Variants in KBTBD11 observed in about 807,000 individuals in gnomAD.
KBTBD11 encodes kelch repeat and BTB domain-containing protein 11.
For missense variants in KBTBD11, 1,390 were observed against 1,001.8 expected, an observed-to-expected ratio of 1.39 and a Z score of -5.23; for synonymous variants, 747 against 499.0, an observed-to-expected ratio of 1.50 and a Z score of -6.63.
intron 1 of KBTBD11, among the ~76,000 whole-genome samples, chr8:1,993,040 A>C (rs1816975582): frequency 6.6e-6 from 1 of 152,130 alleles, no homozygotes; most frequent in Non-Finnish European, 1.5e-5. Context: ...CCCGGGCTCA[A>C]GTGATCCTCT....
chr8:2,002,494 C>G lies in KBTBD11; in HGVS notation c.1302C>G (p.Arg434=). 1 of 1,510,298 alleles carries G rather than the reference C, an allele frequency of 6.6e-7. No individual in the cohort carries two copies. Among genetic ancestry groups the G allele is most frequent in the Non-Finnish European group, 8.8e-7 (1 of 1,138,652 alleles). The allele number at this position is 1,510,298 out of a possible 1,614,324, so 93.6% of individuals were successfully genotyped here. ...AGCGCTACGACCCGCGCGCCGACCG[C>G]TGGGCCCCCGTGGCGCCGCTGCCCC... ...SVERYDPRAD[R]WAPVAPLPRG... Residue 434 remains arginine, a synonymous_variant, in exon 2 of 2, where the codon CGC becomes CGG. Transcript: ENST00000320248. This position sits in a 1 kb window ranked among gnomAD's most constrained non-coding sequence, Gnocchi z 4.1.
In KBTBD11 at chr8:1,975,465, T is replaced by TA. The variant is rs1340302382; in HGVS notation, c.-909+1531dup. Reference sequence around the variant, plus strand: ...TGTAGATACACAAACACCATTGTGTTACAATTGCCTGCGGTATTGTGCACG... The same window carrying TA: ...TGTAGATACACAAACACCATTGTGTTAACAATTGCCTGCGGTATTGTGCACG... On this transcript the variant is annotated intron_variant, in intron 1 of 1. Transcript: ENST00000320248. 6.6e-5 allele frequency among the ~76,000 whole-genome samples: 10 copies of TA among 152,344 alleles called. No homozygotes were observed. In the East Asian group the frequency reaches 1.9e-3, roughly 29 times the overall value.
chr8:1,992,464 C>T (rs576433096), intron 1 of KBTBD11, among the ~76,000 whole-genome samples: 6 of 151,840 alleles, frequency 4.0e-5, no homozygotes, highest in South Asian at 4.2e-4. Context: ...AAATTGGAAG[C>T]GGGGGTGGGG....
rs1413233643 is a variant in KBTBD11, at chr8:2,002,046, T to G, written c.854T>G (p.Leu285Arg). Residue 285 changes from leucine to arginine, a missense_variant, in exon 2 of 2, where the codon CTG (leucine) becomes CGG (arginine). Physicochemically the swap from Leu to Arg is moderately radical, Grantham distance 102 (BLOSUM62 -2). Transcript: ENST00000320248. The surrounding 1 kb of genome is among the most constrained non-coding windows in gnomAD (Gnocchi z 4.1). ...RLSGAERDLL[L>R]RRRLRAGRAH... ...TCGGGCGCAGAGCGGGACCTGCTGC[T>G]GCGCCGCCGCCTGCGCGCCGGCCGC... 1.1e-5 allele frequency: 13 copies of G among 1,225,806 alleles called. No individual in the cohort carries two copies. The highest frequency in any genetic ancestry group is 1.3e-5 in the Non-Finnish European group (13 of 978,306). 75.9% of individuals were successfully genotyped at this position (1,225,806 alleles called of 1,614,324 possible).
chr8:2,001,894 C>A lies in KBTBD11; in HGVS notation c.702C>A (p.Ala234=). 1 of 1,413,344 alleles carries A rather than the reference C, an allele frequency of 7.1e-7. No homozygotes were observed. The highest frequency in any genetic ancestry group is 9.3e-7 in the Non-Finnish European group (1 of 1,075,002). The allele number at this position is 1,413,344 out of a possible 1,614,324, so 87.6% of individuals were successfully genotyped here. Residue 234 remains alanine, a synonymous_variant, in exon 2 of 2, where the codon GCC becomes GCA. Transcript: ENST00000320248. ...CCGTGGGGCCGCAGCTGAGCCTGGCCAACTGCTACGAGGTCCTGAGCGCGG... is the reference window on the plus strand; with the variant it reads ...CCGTGGGGCCGCAGCTGAGCCTGGCAAACTGCTACGAGGTCCTGAGCGCGG... The part of the protein sequence containing the change: ...TDAVGPQLSL[A]NCYEVLSAAK...
chr8:1,992,680 A>C (rs1215437759), intron 1 of KBTBD11, among the ~76,000 whole-genome samples: 1 of 152,088 alleles, frequency 6.6e-6, no homozygotes, highest in Non-Finnish European at 1.5e-5. Flanking sequence ...AGACTTTTTC[A>C]AGTTGGTCTA....
At chr8:1,979,451 G>A (rs13278691) in intron 1 of KBTBD11, among the ~76,000 whole-genome samples, 113,383 of 151,854 alleles carry the variant, frequency 0.75, 42,513 homozygotes, top group South Asian at 0.85. Flanking sequence ...CCAACATGGT[G>A]AAACCCCGTC....
Position 2,002,815 on chromosome 8 carries a change from G to T in KBTBD11, c.1623G>T (p.Leu541=), listed in dbSNP as rs1329118182. The T allele has an allele frequency of 2.8e-6, 4 of 1,435,218 alleles. No homozygotes were observed. Among genetic ancestry groups the T allele is most frequent in the South Asian group, 1.4e-5 (1 of 70,720 alleles). 88.9% of individuals were successfully genotyped at this position (1,435,218 alleles called of 1,614,324 possible). ...AGTGGAGCCCGTGCGTCGCGCCCCT[G>T]CGCCTCCCCGGCGGCCCCACGGGCC... ...AKQWSPCVAP[L]RLPGGPTGLQ... The change falls in exon 2 of 2, where the codon CTG becomes CTT. Residue 541 remains leucine (L), a synonymous_variant. Transcript: ENST00000320248. The surrounding 1 kb of genome is among the most constrained non-coding windows in gnomAD (Gnocchi z 4.1).
At chr8:1,999,915 C>A (rs73546558) in intron 1 of KBTBD11, among the ~76,000 whole-genome samples, 2 of 152,160 alleles carry the variant, frequency 1.3e-5, no homozygotes, top group African/African-American at 4.8e-5. Context: ...ATGCTACTTA[C>A]ACTTTTTATG....
At chr8:1,996,252 G>A (rs2129314685) in intron 1 of KBTBD11, among the ~76,000 whole-genome samples, 1 of 152,312 alleles carries the variant, frequency 6.6e-6, no homozygotes, top group African/African-American at 2.4e-5. Flanking sequence ...TATAGGCAAT[G>A]CGTGTAGGAC....
At chr8:1,986,796 G>T (rs755994580) in intron 1 of KBTBD11, among the ~76,000 whole-genome samples, 3 of 152,086 alleles carry the variant, frequency 2.0e-5, no homozygotes, top group African/African-American at 7.2e-5. Context: ...GCAATATAAA[G>T]AAACGCTCAT....
intron 1 of KBTBD11, among the ~76,000 whole-genome samples, chr8:1,991,751 G>C (rs1816926339): frequency 6.6e-6 from 1 of 151,962 alleles, no homozygotes; most frequent in Non-Finnish European, 1.5e-5. Context: ...TGGCAGAGAA[G>C]GTGCCCACCG....
At position 2,002,145 on chromosome 8, in the gene KBTBD11, A is replaced by G. The variant is rs2129316686; in HGVS notation, c.953A>G (p.Asp318Gly). The G allele has an allele frequency of 1.7e-6, 2 of 1,172,856 alleles. No homozygotes were observed. The highest frequency in any genetic ancestry group is 3.8e-5 in the South Asian group (1 of 26,618). The allele number at this position is 1,172,856 out of a possible 1,614,324, so 72.7% of individuals were successfully genotyped here. A position where few individuals can be genotyped will look rare whatever the true frequency, so the allele number is the denominator to read the frequency against. Residue 318 changes from aspartate to glycine, a missense_variant, in exon 2 of 2, where the codon GAC becomes GGC. Asp to Gly is a moderately conservative substitution (Grantham distance 94). Coordinates refer to ENST00000320248, the MANE Select transcript of KBTBD11 (RefSeq NM_014867.3). This position sits in a 1 kb window ranked among gnomAD's most constrained non-coding sequence, Gnocchi z 4.1. ...AGSRPQSPSGDADARGDAAVY... is the reference protein window; with the variant it reads ...AGSRPQSPSGGADARGDAAVY... ...AGCCGGCCTCAGAGCCCCTCGGGGGACGCGGACGCGCGCGGGGACGCGGCC... is the reference window on the plus strand; with the variant it reads ...AGCCGGCCTCAGAGCCCCTCGGGGGGCGCGGACGCGCGCGGGGACGCGGCC...
chr8:1,988,168 T>C (rs933625645), intron 1 of KBTBD11, among the ~76,000 whole-genome samples: 3 of 152,222 alleles, frequency 2.0e-5, no homozygotes, highest in African/African-American at 7.2e-5. Flanking sequence ...TCTTTGCTAT[T>C]GTGAATAGTG....
Position 2,002,228 on chromosome 8 carries a change from G to A in KBTBD11, c.1036G>A (p.Gly346Ser), listed in dbSNP as rs1585763129. The change falls in exon 2 of 2, where the codon GGC (glycine) becomes AGC (serine). Residue 346 changes from glycine to serine, a missense_variant. By Grantham distance (56) the Gly-to-Ser change is moderately conservative (BLOSUM62 0). Coordinates refer to ENST00000320248, the MANE Select transcript of KBTBD11 (RefSeq NM_014867.3). This position sits in a 1 kb window ranked among gnomAD's most constrained non-coding sequence, Gnocchi z 4.1. ...GCGCGAGCTGACGCGGCTGCCCGAG[G>A]GCGCGCCGGCGCGGGGCTGCGGCCT... is the stretch of plus-strand genomic sequence containing the variant. ...EWRELTRLPE[G>S]APARGCGLCV... 1.0e-5 allele frequency: 13 copies of A among 1,268,962 alleles called. No homozygotes were observed. In the African/African-American group the frequency reaches 1.1e-4, roughly 11 times the overall value. The allele number at this position is 1,268,962 out of a possible 1,614,324, so 78.6% of individuals were successfully genotyped here.
At chr8:1,982,626 C>G (rs1420009918) in intron 1 of KBTBD11, among the ~76,000 whole-genome samples, 7 of 152,262 alleles carry the variant, frequency 4.6e-5, no homozygotes, top group Non-Finnish European at 1.0e-4. Flanking sequence ...AAGATAAAAT[C>G]CACTTCAAGT....
rs1816203919 is a variant in KBTBD11, at chr8:1,973,790, C to A, written c.-1054C>A. ...CTGCCGCCCACGCCCCGCTGCGGGT[C>A]GGAGGAGCAGCTCCCGCTCGCAGGT... On this transcript the variant is annotated 5_prime_UTR_variant, in exon 1 of 2. Transcript: ENST00000320248. 2.0e-6 allele frequency: 2 copies of A among 983,630 alleles called. No individual in the cohort carries two copies. The highest frequency in any genetic ancestry group is 2.4e-6 in the Non-Finnish European group (2 of 829,318). The allele number at this position is 983,630 out of a possible 1,614,324, so 60.9% of individuals were successfully genotyped here. A position where few individuals can be genotyped will look rare whatever the true frequency, so the allele number is the denominator to read the frequency against.
At chr8:1,992,275 A>T (rs900965510) in intron 1 of KBTBD11, among the ~76,000 whole-genome samples, 3 of 151,996 alleles carry the variant, frequency 2.0e-5, no homozygotes, top group Admixed American at 6.6e-5. Flanking sequence ...GTGTTTGAAG[A>T]CTGTGTGGTA....
chr8:1,992,544 T>G (rs1816957782), intron 1 of KBTBD11, among the ~76,000 whole-genome samples: 2 of 152,030 alleles, frequency 1.3e-5, no homozygotes, highest in Non-Finnish European at 2.9e-5. Context: ...CCCCATAGTT[T>G]AGGAATATGA....
Sources: allele counts gnomAD v4.1 joint callset (sites outside exome capture counted in the v4.1 genomes callset), GRCh38; gene constraint gnomAD v4.1.1; non-coding constraint Gnocchi (gnomAD v3.1); transcripts MANE v1.5; gene names NCBI Gene and HGNC (gene_info 2026-07-23, HGNC 2026-07-21).